The following MAFG variants were observed in gnomAD, a reference collection of about 807,000 sequenced individuals.
MAFG encodes the protein MAF bZIP transcription factor G.
Under a neutral mutation model 12.2 loss-of-function variants are expected in MAFG, and 3 were observed. That is an observed-to-expected ratio of 0.25 (90% CI 0.11 to 0.64). The LOEUF (loss-of-function observed/expected upper bound fraction) is 0.64. Ranked by LOEUF, MAFG falls within the 30% of genes least tolerant of loss-of-function variation. The pLI is 0.85. For missense variants in MAFG, 153 were observed against 235.5 expected (o/e 0.65, Z 2.29); for synonymous variants, 126 against 109.1 (o/e 1.15, Z -0.96).
rs1598348506 is a variant in MAFG at position 81,926,117 on chromosome 17, T to G, written c.-30+1411A>C. Among the ~76,000 whole-genome samples, 1 of 152,010 alleles carries G rather than the reference T, an allele frequency of 6.6e-6. No homozygotes were observed. Among genetic ancestry groups the G allele is most frequent in the East Asian group, 1.9e-4 (1 of 5,156 alleles). On this transcript the variant is annotated intron_variant, in intron 1 of 2. Transcript: ENST00000357736. The surrounding 1 kb of genome is among the most constrained non-coding windows in gnomAD (Gnocchi z 4.6). ...ACTCCTGGGCAAAGGAAGTCAACCT[T>G]CGTGAATCTCCACATACCCAAGGAA...
Position 81,924,511 on chromosome 17 carries a change from G to C in MAFG, c.-29-1297C>G, listed in dbSNP as rs1284428724. 2 of 152,370 alleles carry C rather than the reference G, an allele frequency of 1.3e-5. No individual in the cohort carries two copies. Among genetic ancestry groups the C allele is most frequent in the Non-Finnish European group, 2.9e-5 (2 of 68,150 alleles). 9.4% of individuals were successfully genotyped at this position (152,370 alleles called of 1,614,324 possible). ...GGGGCTTCTTACTCTCATCAGGGGAGCTGAAGTGTGGCCAGGCGGATGCAC... is the reference window on the plus strand; with the variant it reads ...GGGGCTTCTTACTCTCATCAGGGGACCTGAAGTGTGGCCAGGCGGATGCAC... On this transcript the variant is annotated intron_variant, in intron 1 of 2. Coordinates refer to ENST00000357736, the MANE Select transcript of MAFG (RefSeq NM_002359.4). The surrounding 1 kb of genome is among the most constrained non-coding windows in gnomAD (Gnocchi z 4.7).
rs1336484351 is a variant in MAFG, at chr17:81,926,921, G to A, written c.-30+607C>T. Among the ~76,000 whole-genome samples the A allele has an allele frequency of 6.6e-6, 1 of 151,652 alleles. No homozygotes were observed. Among genetic ancestry groups the A allele is most frequent in the African/African-American group, 2.4e-5 (1 of 41,232 alleles). Reference sequence around the variant, plus strand: ...TTTTAGTCCCCGAGGCCCCTCGCTCGAATCCCCTCCGGTATCAGCTTGAGC... The same window carrying A: ...TTTTAGTCCCCGAGGCCCCTCGCTCAAATCCCCTCCGGTATCAGCTTGAGC... On this transcript the variant is annotated intron_variant, in intron 1 of 2. Coordinates refer to ENST00000357736, the MANE Select transcript of MAFG (RefSeq NM_002359.4). This position sits in a 1 kb window ranked among gnomAD's most constrained non-coding sequence, Gnocchi z 4.6.
At position 81,920,674 on chromosome 17, in the gene MAFG, A is replaced by G. The variant is rs904605093; in HGVS notation, c.*1931T>C. ...AGGGAGGCACCTCCAGCAGAAGCCAAGCAGCTGATCCCTGGAAGACACAGA... is the reference window on the plus strand; with the variant it reads ...AGGGAGGCACCTCCAGCAGAAGCCAGGCAGCTGATCCCTGGAAGACACAGA... On this transcript the variant is annotated 3_prime_UTR_variant, in exon 3 of 3. Transcript: ENST00000357736. 2.5e-4 allele frequency: 38 copies of G among 152,478 alleles called. No individual in the cohort carries two copies. Among genetic ancestry groups the G allele is most frequent in the African/African-American group, 8.2e-4 (34 of 41,590 alleles). The allele number at this position is 152,478 out of a possible 1,614,324, so 9.4% of individuals were successfully genotyped here. A position where few individuals can be genotyped will look rare whatever the true frequency, so the allele number is the denominator to read the frequency against.
chr17:81,922,451 G>GTGGT lies in MAFG; in HGVS notation c.*153_*154insACCA. ...GACGAGATCAAAGGGGCTCAGCCCG[G>GTGGT]CGCCCCTGGGGTACAGGTTGTGCTT... On this transcript the variant is annotated 3_prime_UTR_variant, in exon 3 of 3. Transcript: ENST00000357736. The GTGGT allele has an allele frequency of 7.1e-6, 4 of 565,408 alleles. No homozygotes were observed. Among genetic ancestry groups the GTGGT allele is most frequent in the Admixed American group, 3.9e-5 (1 of 25,578 alleles). The allele number at this position is 565,408 out of a possible 1,614,324, so 35.0% of individuals were successfully genotyped here. A position where few individuals can be genotyped will look rare whatever the true frequency, so the allele number is the denominator to read the frequency against.
rs1567916031 is a variant in MAFG, at chr17:81,926,028, G to GTGTGTGTGTGTGTGTGT, written c.-30+1499_-30+1500insACACACACACACACACA. ...TGTGTGTGTGTGTGTGTGTGTGTGT[G>GTGTGTGTGTGTGTGTGT]GCGGGGGGCGGGGGGCATCCCTGAG... On this transcript the variant is annotated intron_variant, in intron 1 of 2. Coordinates refer to ENST00000357736, the MANE Select transcript of MAFG (RefSeq NM_002359.4). This position sits in a 1 kb window ranked among gnomAD's most constrained non-coding sequence, Gnocchi z 4.6. Among the ~76,000 whole-genome samples, 6 of 109,822 alleles carry GTGTGTGTGTGTGTGTGT rather than the reference G, an allele frequency of 5.5e-5. No individual in the cohort carries two copies. Among genetic ancestry groups the GTGTGTGTGTGTGTGTGT allele is most frequent in the African/African-American group, 9.6e-5 (3 of 31,140 alleles). 72.0% of individuals were successfully genotyped at this position (109,822 alleles called of 152,430 possible).
At chr17:81,930,387 C>T (rs145097068), upstream of MAFG, 1,680 of 152,214 alleles carry the variant, frequency 0.011, 16 homozygotes, top group Non-Finnish European at 0.02. The surrounding 1 kb of genome is among the most constrained non-coding windows in gnomAD (Gnocchi z 4.1). Context: ...TGCGGCAGGC[C>T]GGGTGCAGTG....
At position 81,919,489 on chromosome 17, in the gene MAFG, C is replaced by G. The variant is rs2040866013; in HGVS notation, c.*3116G>C. ...CCTGGTGAGAGCTGACCTGTCCCTG[C>G]TGGGTATTCCTCTGAAATCTGAGCG... On this transcript the variant is annotated 3_prime_UTR_variant, in exon 3 of 3. Coordinates refer to ENST00000357736, the MANE Select transcript of MAFG (RefSeq NM_002359.4). 2 of 152,268 alleles carry G rather than the reference C, an allele frequency of 1.3e-5. No individual in the cohort carries two copies. Among genetic ancestry groups the G allele is most frequent in the Non-Finnish European group, 1.5e-5 (1 of 68,070 alleles). 9.4% of individuals were successfully genotyped at this position (152,268 alleles called of 1,614,324 possible).
chr17:81,922,362 T>C lies in MAFG; in HGVS notation c.*243A>G, dbSNP rs981618018. On this transcript the variant is annotated 3_prime_UTR_variant, in exon 3 of 3. Coordinates refer to ENST00000357736, the MANE Select transcript of MAFG (RefSeq NM_002359.4). ...CTGCATGGCCCTGGTACAAAAGGGG[T>C]TGGGGCGACCCCACGTCACCGCCGA... 3.3e-5 allele frequency: 11 copies of C among 332,528 alleles called. No homozygotes were observed. Among genetic ancestry groups the C allele is most frequent in the Non-Finnish European group, 6.0e-5 (11 of 184,248 alleles). 20.6% of individuals were successfully genotyped at this position (332,528 alleles called of 1,614,324 possible).
rs2040889480 is a variant in MAFG at position 81,921,558 on chromosome 17, GCTTTTTTTTTTTTGT to G, written c.*1032_*1046del. 6.7e-6 allele frequency: 1 copy of G among 149,580 alleles called. No individual in the cohort carries two copies. The highest frequency in any genetic ancestry group is 2.5e-5 in the African/African-American group (1 of 40,572). The allele number at this position is 149,580 out of a possible 1,614,324, so 9.3% of individuals were successfully genotyped here. ...GGCCTTCTGGTCGGCTCACGGCTTG[GCTTTTTTTTTTTTGT>G]CTTTTTTTTAAACTAAGTTTTATAA... On this transcript the variant is annotated 3_prime_UTR_variant, in exon 3 of 3. Coordinates refer to ENST00000357736, the MANE Select transcript of MAFG (RefSeq NM_002359.4).
rs1033467142 is a variant in MAFG, at chr17:81,927,612, G to T, written c.-114C>A. ...CCGCGCGGGGCAGGGACCGGCGCGA[G>T]GGGTCCGGGCCCGGGGCTCGGAGGA... On this transcript the variant is annotated 5_prime_UTR_variant, in exon 1 of 3. Coordinates refer to ENST00000357736, the MANE Select transcript of MAFG (RefSeq NM_002359.4). 2 of 147,198 alleles carry T rather than the reference G, an allele frequency of 1.4e-5. No homozygotes were observed. Among genetic ancestry groups the T allele is most frequent in the South Asian group, 1.9e-4 (1 of 5,136 alleles). The allele number at this position is 147,198 out of a possible 1,614,324, so 9.1% of individuals were successfully genotyped here.
intron 1 of MAFG, among the ~76,000 whole-genome samples, 194 bp downstream of exon 1, chr17:81,927,334 C>T (rs2143830736): frequency 6.6e-6 from 1 of 151,434 alleles, no homozygotes; most frequent in African/African-American, 2.4e-5. Context: ...GGAGCTGGCT[C>T]CTGACCGCTG....
chr17:81,929,285 G>C (rs2040966580), upstream of MAFG, among the ~76,000 whole-genome samples: 1 of 152,190 alleles, frequency 6.6e-6, no homozygotes, highest in Admixed American at 6.5e-5. The surrounding 1 kb of genome is among the most constrained non-coding windows in gnomAD (Gnocchi z 5.7). Flanking sequence ...GGACGGGCTG[G>C]GGAGGACACT....
rs1412633218 is a variant in MAFG, at chr17:81,924,066, CT to C, written c.-29-853del. The C allele has an allele frequency of 6.6e-6, 1 of 152,286 alleles. No individual in the cohort carries two copies. Among genetic ancestry groups the C allele is most frequent in the African/African-American group, 2.4e-5 (1 of 41,456 alleles). 9.4% of individuals were successfully genotyped at this position (152,286 alleles called of 1,614,324 possible). A position where few individuals can be genotyped will look rare whatever the true frequency, so the allele number is the denominator to read the frequency against. On this transcript the variant is annotated intron_variant, in intron 1 of 2. Coordinates refer to ENST00000357736, the MANE Select transcript of MAFG (RefSeq NM_002359.4). The surrounding 1 kb of genome is among the most constrained non-coding windows in gnomAD (Gnocchi z 4.7). ...CACTGATGGAGTAACCATCCTGTGG[CT>C]TTGGGTTGCAGGAAGCAGCCCCTGC...
chr17:81,922,683 C>T lies in MAFG; in HGVS notation c.411G>A (p.Leu137=), dbSNP rs761074132. The change falls in exon 3 of 3, where the codon CTG becomes CTA. Residue 137 remains leucine, a synonymous_variant. Transcript: ENST00000357736. ...APARGPLAAG[L]GPLVPGKVAA... ...CCACCTTGCCTGGGACGAGGGGCCC[C>T]AGGCCGGCGGCAAGGGGGCCCCGGG... 9.3e-6 allele frequency: 14 copies of T among 1,506,990 alleles called. No homozygotes were observed. Among genetic ancestry groups the T allele is most frequent in the Non-Finnish European group, 1.2e-5 (14 of 1,133,082 alleles). 93.4% of individuals were successfully genotyped at this position (1,506,990 alleles called of 1,614,324 possible). A position where few individuals can be genotyped will look rare whatever the true frequency, so the allele number is the denominator to read the frequency against.
intron 1 of MAFG, among the ~76,000 whole-genome samples, chr17:81,925,013 A>G (rs1341685592): frequency 1.3e-5 from 2 of 152,178 alleles, no homozygotes; most frequent in Non-Finnish European, 2.9e-5. Context: ...CTCCTATCAA[A>G]GGTGCGCCGG....
At chr17:81,929,799 C>A (rs138888458), upstream of MAFG, 261 of 154,234 alleles carry the variant, frequency 1.7e-3, 1 homozygote, top group African/African-American at 5.9e-3. This position sits in a 1 kb window ranked among gnomAD's most constrained non-coding sequence, Gnocchi z 5.7. Flanking sequence ...CAGGAGCTCA[C>A]TTCCCGTCAC....
upstream of MAFG, chr17:81,929,540 T>A (rs948163778): frequency 6.6e-6 from 1 of 152,164 alleles, no homozygotes; most frequent in African/African-American, 2.4e-5. The surrounding 1 kb of genome is among the most constrained non-coding windows in gnomAD (Gnocchi z 5.7). Flanking sequence ...TCTCCTCACC[T>A]CCCCAGCGGC....
In MAFG at chr17:81,926,509, C is replaced by G. The variant is rs369714937; in HGVS notation, c.-30+1019G>C. 6.6e-6 allele frequency among the ~76,000 whole-genome samples: 1 copy of G among 152,154 alleles called. No homozygotes were observed. Among genetic ancestry groups the G allele is most frequent in the Non-Finnish European group, 1.5e-5 (1 of 68,036 alleles). ...GTCACCCAGGGCTTGGTACACACAC[C>G]CCTCTTTCTCCCAGGACCTCGATCT... On this transcript the variant is annotated intron_variant, in intron 1 of 2. Transcript: ENST00000357736. This position sits in a 1 kb window ranked among gnomAD's most constrained non-coding sequence, Gnocchi z 4.6.
upstream of MAFG, among the ~76,000 whole-genome samples, chr17:81,928,636 G>A (rs1186500907): frequency 2.6e-5 from 4 of 152,224 alleles, no homozygotes; most frequent in African/African-American, 9.6e-5. This position sits in a 1 kb window ranked among gnomAD's most constrained non-coding sequence, Gnocchi z 8.1. Context: ...GTGGGGCTGC[G>A]TGTGGTTCTT....
Sources: gnomAD v4.1 joint callset for allele counts (sites outside exome capture counted in the v4.1 genomes callset) on GRCh38, gnomAD v4.1.1 for gene constraint, Gnocchi (gnomAD v3.1) non-coding constraint, MANE v1.5 for transcripts, NCBI Gene and HGNC (gene_info 2026-07-23, HGNC 2026-07-21) for gene names.